Variants in LRRIQ3 observed in about 807,000 individuals in gnomAD.
LRRIQ3 encodes leucine-rich repeat and IQ domain-containing protein 3.
In LRRIQ3, 75 loss-of-function variants were observed where a neutral mutation model predicts 59.3. The observed-to-expected ratio is 1.26, with a 90% CI of 1.05 to 1.53. The LOEUF is 1.53. LRRIQ3 is among the 40% of genes most tolerant of loss of function. The probability of loss-of-function intolerance (pLI) is 0.00; values close to 1 mark genes in which losing one functional copy is unlikely to be tolerated. For missense variants in LRRIQ3, 831 were observed against 710.0 expected, an observed-to-expected ratio of 1.17 and a Z score of -1.94; for synonymous variants, 250 against 231.3, an observed-to-expected ratio of 1.08 and a Z score of -0.73.
chr1:74,179,889 T>G (rs1320277748), intron 3 of LRRIQ3: 1 of 151,970 alleles, frequency 6.6e-6, no homozygotes, highest in Non-Finnish European at 1.5e-5. Context: ...TTTCTTCATT[T>G]ATGACATTTT....
chr1:74,035,174 CA>C (rs989816955), intron 7 of LRRIQ3, among the ~76,000 whole-genome samples: 3 of 152,014 alleles, frequency 2.0e-5, no homozygotes, highest in Non-Finnish European at 4.4e-5. Flanking sequence ...TAATTGTGTT[CA>C]GCTAAGTTAC....
chr1:74,027,790 T>C (rs1177598277), intron 7 of LRRIQ3, among the ~76,000 whole-genome samples: 1 of 152,030 alleles, frequency 6.6e-6, no homozygotes, highest in East Asian at 1.9e-4. Context: ...GAGACATAAA[T>C]ATGACATGAT....
chr1:74,189,681 G>C (rs1389101243), intron 1 of LRRIQ3, among the ~76,000 whole-genome samples: 1 of 152,026 alleles, frequency 6.6e-6, no homozygotes, highest in Non-Finnish European at 1.5e-5. Context: ...CGTTCTTGTG[G>C]TAGTGAATAA....
At chr1:74,030,230 A>G (rs769775610) in intron 7 of LRRIQ3, among the ~76,000 whole-genome samples, 1 of 152,074 alleles carries the variant, frequency 6.6e-6, no homozygotes, top group Non-Finnish European at 1.5e-5. Flanking sequence ...ATCCCCATCA[A>G]GCTACCAATG....
chr1:74,089,128 G>T (rs539363514), intron 5 of LRRIQ3, among the ~76,000 whole-genome samples: 1 of 152,130 alleles, frequency 6.6e-6, no homozygotes, highest in Non-Finnish European at 1.5e-5. Flanking sequence ...GTATCCTGTA[G>T]AACAGTTATA....
intron 6 of LRRIQ3, among the ~76,000 whole-genome samples, chr1:74,049,312 A>T (rs1024788232): frequency 3.0e-4 from 46 of 152,150 alleles, no homozygotes; most frequent in Middle Eastern, 3.2e-3. Flanking sequence ...AAGTCGTTGA[A>T]GTAGGGGACT....
intron 4 of LRRIQ3, among the ~76,000 whole-genome samples, chr1:74,138,238 T>G (rs1351032332): frequency 6.6e-6 from 1 of 151,510 alleles, no homozygotes; most frequent in Non-Finnish European, 1.5e-5. Context: ...ATTACAAGTA[T>G]GGGGTAGAGG....
At chr1:74,034,829 C>T (rs79774396) in intron 7 of LRRIQ3, among the ~76,000 whole-genome samples, 2,926 of 151,912 alleles carry the variant, frequency 0.019, 82 homozygotes, top group African/African-American at 0.067. Context: ...TTCTTTCTAG[C>T]ACAGGCTTTT....
rs562162775 is a variant in LRRIQ3 at position 74,163,543 on chromosome 1, C to T, written c.574-7677G>A. On this transcript the variant is annotated intron_variant, in intron 3 of 7. Coordinates refer to ENST00000354431, the MANE Select transcript of LRRIQ3 (RefSeq NM_001105659.2). The stretch of plus-strand genomic sequence containing the variant: ...TGTTGAAATAATTTTATATAAGTAG[C>T]ATTATTCTATGGACATTCACACAGA... Among the ~76,000 whole-genome samples the T allele has an allele frequency of 6.6e-5, 10 of 151,672 alleles. No homozygotes were observed. The South Asian group carries it at 2.1e-3, about 31-fold the overall frequency.
At chr1:74,162,615 T>C (rs1459923308) in intron 3 of LRRIQ3, among the ~76,000 whole-genome samples, 1 of 151,840 alleles carries the variant, frequency 6.6e-6, no homozygotes, top group African/African-American at 2.4e-5. Context: ...TAAAACTATA[T>C]GCTAGTCACA....
At chr1:74,151,979 C>T (rs1648016059) in intron 4 of LRRIQ3, among the ~76,000 whole-genome samples, 1 of 152,100 alleles carries the variant, frequency 6.6e-6, no homozygotes, top group Admixed American at 6.5e-5. Context: ...AGAAAAATCA[C>T]TATCTCGTTC....
chr1:74,120,122 T>C (rs1646831636), intron 4 of LRRIQ3, among the ~76,000 whole-genome samples: 1 of 151,602 alleles, frequency 6.6e-6, no homozygotes, highest in South Asian at 2.1e-4. Flanking sequence ...TTTTTGTATG[T>C]TGTTTTTTTT....
chr1:74,095,228 G>C (rs1646436579), intron 5 of LRRIQ3: 1 of 152,124 alleles, frequency 6.6e-6, no homozygotes, highest in South Asian at 2.1e-4. Flanking sequence ...CAACAGGATG[G>C]AAGGAGTGAA....
intron 5 of LRRIQ3, chr1:74,082,313 A>G (rs994335614): frequency 3.3e-5 from 5 of 151,532 alleles, no homozygotes; most frequent in South Asian, 2.1e-4. Context: ...GTTTTAGGCC[A>G]ATTAGTTACG....
At chr1:74,166,236 G>GT (rs1648982334) in intron 3 of LRRIQ3, among the ~76,000 whole-genome samples, 1 of 151,060 alleles carries the variant, frequency 6.6e-6, no homozygotes, top group Admixed American at 6.6e-5. Flanking sequence ...TTCCTTAATA[G>GT]TTATACAATT....
At chr1:74,037,435 G>A (rs888788667) in intron 7 of LRRIQ3, among the ~76,000 whole-genome samples, 15 of 151,950 alleles carry the variant, frequency 9.9e-5, no homozygotes, top group Admixed American at 9.8e-4. Flanking sequence ...GTCAGGAGCT[G>A]GAGACCAGTC....
Position 74,086,389 on chromosome 1 carries a change from C to T in LRRIQ3, c.868-11599G>A, listed in dbSNP as rs139578738. On this transcript the variant is annotated intron_variant, in intron 5 of 7. Transcript: ENST00000354431. ...TTAACCTGGTCCAATTTCAATGTTG[C>T]TAAATGCTTCATGACAGTTGCTCAA... is the stretch of plus-strand genomic sequence containing the variant. 2.8e-3 allele frequency among the ~76,000 whole-genome samples: 420 copies of T among 152,172 alleles called. 1 individual carries two copies. The highest frequency in any genetic ancestry group is 9.5e-3 in the African/African-American group (396 of 41,546).
intron 7 of LRRIQ3, among the ~76,000 whole-genome samples, chr1:74,035,584 GT>G (rs1284288305): frequency 6.6e-6 from 1 of 152,024 alleles, no homozygotes; most frequent in Non-Finnish European, 1.5e-5. Flanking sequence ...AGAAAGTTTT[GT>G]CCAAAGTGTG....
chr1:74,037,081 G>A (rs888766801), intron 7 of LRRIQ3, among the ~76,000 whole-genome samples: 9 of 152,122 alleles, frequency 5.9e-5, no homozygotes, highest in African/African-American at 2.2e-4. Flanking sequence ...TGACTTAAAT[G>A]AGTTTATATA....
Sources: gnomAD v4.1 joint callset for allele counts (sites outside exome capture counted in the v4.1 genomes callset) on GRCh38, gnomAD v4.1.1 for gene constraint, MANE v1.5 for transcripts, NCBI Gene and HGNC (gene_info 2026-07-23, HGNC 2026-07-21) for gene names.